ITIH5: variants seen among roughly 807,000 people sequenced by gnomAD.
ITIH5 encodes the protein inter-alpha-trypsin inhibitor heavy chain H5.
ITIH5 carries 65 observed loss-of-function variants against 77.5 expected under a neutral mutation model. That is an observed-to-expected ratio of 0.84 (90% CI 0.69 to 1.03). The LOEUF is 1.03. ITIH5 is among the 50% of genes least tolerant of loss of function. ITIH5 has a pLI of 0.00. For missense variants in ITIH5, 1,208 were observed against 1,213.1 expected (o/e 1.00, Z 0.06); for synonymous variants, 525 against 494.3 (o/e 1.06, Z -0.82).
In ITIH5 at chr10:7,562,838, T is replaced by C. The variant is rs1832062939; in HGVS notation, c.*245A>G. 3 of 564,068 alleles carry C rather than the reference T, an allele frequency of 5.3e-6. No homozygotes were observed. In the South Asian group the frequency reaches 6.2e-5, roughly 12 times the overall value. 34.9% of individuals were successfully genotyped at this position (564,068 alleles called of 1,614,324 possible). ...GACCCTTCTCTCCCCTCTGTGGATG[T>C]GGGCAGGGTGGGGAGAGGCAGGAAG... On this transcript the variant is annotated 3_prime_UTR_variant, in exon 14 of 14. Transcript: ENST00000397146.
At chr10:7,613,702 T>C (rs10508331) in intron 7 of ITIH5, among the ~76,000 whole-genome samples, 23,802 of 152,072 alleles carry the variant, frequency 0.16, 2,116 homozygotes, top group Admixed American at 0.25. Flanking sequence ...GATGCAAATT[T>C]TAAGAGGTGA....
chr10:7,608,030 G>A (rs921654573), intron 7 of ITIH5, among the ~76,000 whole-genome samples: 1 of 152,208 alleles, frequency 6.6e-6, no homozygotes, highest in African/African-American at 2.4e-5. Flanking sequence ...GCTCTCTGTT[G>A]TCGATTTTTA....
chr10:7,610,463 T>C (rs968900233), intron 7 of ITIH5, among the ~76,000 whole-genome samples: 6 of 152,228 alleles, frequency 3.9e-5, no homozygotes, highest in African/African-American at 1.4e-4. Flanking sequence ...CAACTATGTG[T>C]CCTACATTGC....
chr10:7,580,256 G>T (rs1827555120), intron 8 of ITIH5, among the ~76,000 whole-genome samples, 192 bp from the exon 9 acceptor site: 1 of 152,194 alleles, frequency 6.6e-6, no homozygotes, highest in South Asian at 2.1e-4. Flanking sequence ...GAGTAGCTGG[G>T]ATTACAGGTG....
At chr10:7,577,516 G>A (rs1832449611) in intron 9 of ITIH5, among the ~76,000 whole-genome samples, 1 of 152,186 alleles carries the variant, frequency 6.6e-6, no homozygotes, top group African/African-American at 2.4e-5. Flanking sequence ...GTTTCTTAAA[G>A]GGACTCTTAA....
intron 2 of ITIH5, among the ~76,000 whole-genome samples, chr10:7,647,803 A>G (rs1834030487): frequency 6.6e-6 from 1 of 152,212 alleles, no homozygotes; most frequent in Admixed American, 6.5e-5. Flanking sequence ...AACTGTAAAG[A>G]AAAAGAGCTT....
At chr10:7,594,067 G>C (rs1371571907) in intron 7 of ITIH5, among the ~76,000 whole-genome samples, 2 of 152,254 alleles carry the variant, frequency 1.3e-5, no homozygotes, top group Non-Finnish European at 2.9e-5. Flanking sequence ...AATGCAGTCA[G>C]ACTCTGCCAG....
At chr10:7,617,003 AC>A in intron 6 of ITIH5, 109 bp downstream of exon 6, 2 of 673,714 alleles carry the variant, frequency 3.0e-6, no homozygotes, top group Non-Finnish European at 2.3e-6. Flanking sequence ...AAACAAATTT[AC>A]TAAGAAGCAG....
chr10:7,585,950 G>A lies in ITIH5; in HGVS notation c.1059C>T (p.Asp353=), dbSNP rs970680417. The change falls in exon 8 of 14, where the codon GAC becomes GAT. Residue 353 remains aspartate, a synonymous_variant. Coordinates refer to ENST00000397146, the MANE Select transcript of ITIH5 (RefSeq NM_030569.7). The part of the protein sequence containing the change: ...WKDHLISVTP[D]SIRDGKVYIH... ...TGTACACTTTCCCATCCCTGATGCT[G>A]TCTGGAGTGACTGATATCAAGTGGT... The A allele has an allele frequency of 1.2e-6, 2 of 1,613,886 alleles. No homozygotes were observed. Among genetic ancestry groups the A allele is most frequent in the African/African-American group, 1.3e-5 (1 of 74,866 alleles).
Position 7,579,830 on chromosome 10 carries a change from T to G in ITIH5, c.1343A>C (p.Glu448Ala). The G allele has an allele frequency of 6.2e-7, 1 of 1,614,168 alleles. No homozygotes were observed. The highest frequency in any genetic ancestry group is 8.5e-7 in the Non-Finnish European group (1 of 1,180,032). Residue 448 changes from glutamate (E) to alanine (A), a missense_variant, in exon 9 of 14, where the codon GAG (glutamate) becomes GCG (alanine). Transcript: ENST00000397146. ...IGNDVDFRLL[E>A]KLSLENCGLT... ...GCCACAGTTCTCCAGCGACAGTTTC[T>G]CCAGCAGCCTGAAGTCCACGTCGTT...
intron 7 of ITIH5, among the ~76,000 whole-genome samples, chr10:7,598,872 A>C (rs1832960495): frequency 6.6e-6 from 1 of 152,268 alleles, no homozygotes; most frequent in East Asian, 1.9e-4. Flanking sequence ...TTAGATATTA[A>C]AACATTTTTT....
At chr10:7,615,844 T>C in intron 7 of ITIH5, 138 bp downstream of exon 7, 1 of 654,596 alleles carries the variant, frequency 1.5e-6, no homozygotes, top group Non-Finnish European at 2.8e-6. Flanking sequence ...CTGAATCCGC[T>C]CAAGAAGGCT....
chr10:7,566,519 G>C (rs1832163377), intron 12 of ITIH5, 112 bp from the exon 13 acceptor site: 1 of 1,043,118 alleles, frequency 9.6e-7, no homozygotes, highest in Admixed American at 2.6e-5. Context: ...CCTGAGTCCA[G>C]GAGTTCAAGA....
intron 2 of ITIH5, among the ~76,000 whole-genome samples, chr10:7,648,070 T>C (rs1479168623): frequency 4.4e-5 from 6 of 136,786 alleles, no homozygotes; most frequent in Non-Finnish European, 9.3e-5. Context: ...AGTGAAACCC[T>C]GTCTCTACTA....
chr10:7,610,077 T>A, intron 7 of ITIH5, among the ~76,000 whole-genome samples: 1 of 147,814 alleles, frequency 6.8e-6, no homozygotes, highest in East Asian at 2.0e-4. Flanking sequence ...TTCTTTTTTT[T>A]TTTTTTTTTT....
intron 8 of ITIH5, among the ~76,000 whole-genome samples, chr10:7,580,330 G>C (rs1564242196): frequency 6.6e-6 from 1 of 152,140 alleles, no homozygotes; most frequent in Non-Finnish European, 1.5e-5. Flanking sequence ...ATGTTGGCCA[G>C]GCTGGTCTCA....
chr10:7,655,680 A>G lies in ITIH5; in HGVS notation c.91-5T>C, dbSNP rs1339016961. 6.2e-7 allele frequency: 1 copy of G among 1,608,946 alleles called. No homozygotes were observed. The highest frequency in any genetic ancestry group is 1.3e-5 in the African/African-American group (1 of 74,930). On this transcript the variant is annotated splice_region_variant and splice_polypyrimidine_tract_variant and intron_variant, in intron 1 of 13. Transcript: ENST00000397146. ...CCTCGGGACCCTGAGTCCATCCTAG[A>G]AAAGAGAAGAGACTGTTAAAAAGGT... is the stretch of plus-strand genomic sequence containing the variant.
chr10:7,603,266 TATC>T (rs1442397712), intron 7 of ITIH5, among the ~76,000 whole-genome samples: 1 of 152,070 alleles, frequency 6.6e-6, no homozygotes, highest in South Asian at 2.1e-4. Flanking sequence ...ACCTGGGAGG[TATC>T]ATGCTACCTG....
Position 7,562,075 on chromosome 10 carries a change from T to C in ITIH5, c.*1008A>G, listed in dbSNP as rs1394459663. On this transcript the variant is annotated 3_prime_UTR_variant, in exon 14 of 14. Transcript: ENST00000397146. ...ATGAGGGAAGCTGGAAGTCCTAGAT[T>C]TCCTAAGCACCGACACGCTTCCTGC... The C allele has an allele frequency of 6.6e-6, 1 of 152,162 alleles. No homozygotes were observed. The highest frequency in any genetic ancestry group is 2.4e-5 in the African/African-American group (1 of 41,400). 9.4% of individuals were successfully genotyped at this position (152,162 alleles called of 1,614,324 possible).
Sources: gnomAD v4.1 joint callset for allele counts (sites outside exome capture counted in the v4.1 genomes callset) on GRCh38, gnomAD v4.1.1 for gene constraint, MANE v1.5 for transcripts, NCBI Gene and HGNC (gene_info 2026-07-23, HGNC 2026-07-21) for gene names.